The following NLRP7 variants were observed in gnomAD, a reference collection of about 807,000 sequenced individuals.
NLRP7 encodes NLR family pyrin domain containing 7, also known as NACHT, LRR and PYD domains-containing protein 7.
NLRP7 carries 72 observed loss-of-function variants against 85.5 expected under a neutral mutation model. The ratio of observed to expected loss-of-function variants is 0.84; its 90% CI spans 0.70 to 1.02. The LOEUF (loss-of-function observed/expected upper bound fraction) is 1.02, where lower values mean the gene tolerates loss of function less well. Among genes scored for constraint, NLRP7 ranks in the 50% least tolerant of loss-of-function variants. The pLI is 0.00. For synonymous variants in NLRP7, 550 were observed against 505.2 expected, an observed-to-expected ratio of 1.09 and a Z score of -1.19; for missense variants, 1,243 against 1,219.5, an observed-to-expected ratio of 1.02 and a Z score of -0.29.
intron 1 of NLRP7, among the ~76,000 whole-genome samples, chr19:54,961,406 G>A (rs1335192822): frequency 6.6e-6 from 1 of 151,928 alleles, no homozygotes; most frequent in Non-Finnish European, 1.5e-5. Context: ...GCTAGGGCAG[G>A]AGAATCACTT....
intron 1 of NLRP7, among the ~76,000 whole-genome samples, chr19:54,946,050 C>T (rs991419406): frequency 1.3e-5 from 2 of 152,138 alleles, no homozygotes; most frequent in East Asian, 1.9e-4. Context: ...CTCGGCCTCC[C>T]ATAGTGCTGG....
intron 9 of NLRP7, among the ~76,000 whole-genome samples, chr19:54,928,811 G>GT (rs56391688): frequency 0.55 from 83,924 of 151,280 alleles, 23,506 homozygotes; most frequent in East Asian, 0.72. Context: ...CTTTGGTTTT[G>GT]TTTTTTTTAA....
chr19:54,940,940 CT>C lies in NLRP7; in HGVS notation c.342del (p.Ala115GlnfsTer38). 6.2e-7 allele frequency: 1 copy of C among 1,609,830 alleles called. No homozygotes were observed. The highest frequency in any genetic ancestry group is 8.5e-7 in the Non-Finnish European group (1 of 1,176,156). ...GACCGTATTTACCCACCTGGCTTTG[CT>C]AACTCCGAGTCTTCTTCTGCATCTC... On this transcript the variant is annotated frameshift_variant, in exon 3 of 10. Transcript: ENST00000340844. LOFTEE classifies it high-confidence loss of function.
chr19:54,941,347 A>G lies in NLRP7; in HGVS notation c.277+88T>C, dbSNP rs1417579926. ...TCTCGCCACTGCACTCCAGCCTTAC[A>G]CTCCAGCCTGGGCGACAGAACGAGA... On this transcript the variant is annotated intron_variant, in intron 2 of 9. Coordinates refer to ENST00000340844, the Ensembl canonical transcript of NLRP7. 1.1e-5 allele frequency: 11 copies of G among 974,412 alleles called. No homozygotes were observed. The Admixed American group carries it at 2.0e-4, about 18-fold the overall frequency. 60.4% of individuals were successfully genotyped at this position (974,412 alleles called of 1,614,324 possible). A position where few individuals can be genotyped will look rare whatever the true frequency, so the allele number is the denominator to read the frequency against.
chr19:54,951,917 A>AT (rs1282742440), upstream of NLRP7, among the ~76,000 whole-genome samples: 2 of 151,650 alleles, frequency 1.3e-5, no homozygotes, highest in Non-Finnish European at 2.9e-5. Flanking sequence ...TGCCTGGCTA[A>AT]TTTTTTTTGT....
At chr19:54,952,179 C>G (rs75889488), upstream of NLRP7, among the ~76,000 whole-genome samples, 6,017 of 152,184 alleles carry the variant, frequency 0.04, 420 homozygotes, top group African/African-American at 0.14. Context: ...ATAGCTGACA[C>G]TAACCAGTTT....
intron 1 of NLRP7, among the ~76,000 whole-genome samples, chr19:54,963,667 TAAG>T (rs947081597): frequency 1.4e-4 from 21 of 151,606 alleles, no homozygotes; most frequent in Non-Finnish European, 2.8e-4. Flanking sequence ...CTACTAAAAA[TAAG>T]AAAATTAGCC....
At chr19:54,955,999 C>T (rs79292228) in intron 1 of NLRP7, among the ~76,000 whole-genome samples, 520 of 151,338 alleles carry the variant, frequency 3.4e-3, no homozygotes, top group African/African-American at 0.012. Flanking sequence ...AAATAGCCAA[C>T]TGTGATCGTG....
chr19:54,935,846 C>T (rs1055619296), intron 6 of NLRP7, among the ~76,000 whole-genome samples: 1 of 152,118 alleles, frequency 6.6e-6, no homozygotes, highest in Non-Finnish European at 1.5e-5. Context: ...CAGGCACCAA[C>T]GATTAGCTCC....
At position 54,939,215 on chromosome 19, in the gene NLRP7, T is replaced by G. The variant is rs1476823929; in HGVS notation, c.1604A>C (p.Glu535Ala). The change falls in exon 4 of 10, where the codon GAG becomes GCG. Residue 535 changes from glutamate to alanine, a missense_variant. By Grantham distance (107) the Glu-to-Ala change is moderately radical. Coordinates refer to ENST00000340844, the Ensembl canonical transcript of NLRP7. ...TGACATCCGGCAGCCAAAAGTGGCC[T>G]CCAACTCCTTGGCTCTCTTCTCGTT... The G allele has an allele frequency of 1.9e-6, 3 of 1,614,256 alleles. No individual in the cohort carries two copies. In the South Asian group the frequency reaches 3.3e-5, roughly 18 times the overall value.
rs932369211 is a variant in NLRP7, at chr19:54,930,549, C to G, written c.2760G>C (p.Trp920Cys). Reference sequence around the variant, plus strand: ...GATTCTCTAATGCCTGACAGAGAATCCACAATCCACGAGCTATCTGGTTGA... The same window carrying G: ...GATTCTCTAATGCCTGACAGAGAATGCACAATCCACGAGCTATCTGGTTGA... Residue 920 changes from tryptophan to cysteine, a missense_variant, in exon 9 of 10, where the codon TGG becomes TGC. Transcript: ENST00000340844. 4 of 1,612,422 alleles carry G rather than the reference C, an allele frequency of 2.5e-6. No individual in the cohort carries two copies. The African/African-American group carries it at 5.3e-5, about 22-fold the overall frequency.
At chr19:54,925,737 G>A (rs780685052) in intron 9 of NLRP7, among the ~76,000 whole-genome samples, 4 of 152,092 alleles carry the variant, frequency 2.6e-5, no homozygotes, top group African/African-American at 9.7e-5. Flanking sequence ...GGTGGCTCAC[G>A]CCTGTAATCC....
chr19:54,939,394 G>C (rs981019531), exon 4 of NLRP7: 20 of 1,613,990 alleles, frequency 1.2e-5, no homozygotes, highest in East Asian at 2.2e-5. Context: ...ACAGGGCAGT[G>C]AGAAACTGCT....
At chr19:54,963,235 A>G (rs2070121969) in intron 1 of NLRP7, among the ~76,000 whole-genome samples, 1 of 151,986 alleles carries the variant, frequency 6.6e-6, no homozygotes, top group Non-Finnish European at 1.5e-5. Context: ...CATCTCTATA[A>G]AAAATACAAA....
At position 54,936,255 on chromosome 19, in the gene NLRP7, A is replaced by T; in HGVS notation, c.2300+6T>A. The T allele has an allele frequency of 6.2e-7, 1 of 1,612,024 alleles. No homozygotes were observed. On this transcript the variant is annotated splice_donor_region_variant and intron_variant, in intron 6 of 9. Transcript: ENST00000340844. ...TGCTGGGGAGAGCCGTGACCGTGAGACCCACCTCAGGTACTGCAGGTTGCA... is the reference window on the plus strand; with the variant it reads ...TGCTGGGGAGAGCCGTGACCGTGAGTCCCACCTCAGGTACTGCAGGTTGCA...
chr19:54,927,830 G>T, intron 9 of NLRP7, 55 bp from the exon 10 acceptor site: 2 of 1,493,780 alleles, frequency 1.3e-6, no homozygotes, highest in Non-Finnish European at 1.9e-6. Context: ...AGTGGCTCAA[G>T]CGTGTAATCC....
At chr19:54,947,889 T>A (rs568962275), upstream of NLRP7, 165 of 249,212 alleles carry the variant, frequency 6.6e-4, no homozygotes, top group African/African-American at 3.7e-3. Context: ...AAATAAAAAT[T>A]AAAAAAAAAG....
At chr19:54,935,365 C>G (rs897896857) in intron 6 of NLRP7, among the ~76,000 whole-genome samples, 1 of 151,942 alleles carries the variant, frequency 6.6e-6, no homozygotes, top group Non-Finnish European at 1.5e-5. Flanking sequence ...GTAGCTGGGA[C>G]TAGAAGGGGC....
At chr19:54,947,395 G>A (rs1048515048) in intron 1 of NLRP7, 74 bp downstream of exon 1, 9 of 1,125,432 alleles carry the variant, frequency 8.0e-6, no homozygotes, top group Middle Eastern at 2.4e-4. Flanking sequence ...AAGGGCTATG[G>A]TGGAAACTCA....
Sources: gnomAD v4.1 joint callset for allele counts (sites outside exome capture counted in the v4.1 genomes callset) on GRCh38, gnomAD v4.1.1 for gene constraint, MANE v1.5 for transcripts, NCBI Gene and HGNC (gene_info 2026-07-23, HGNC 2026-07-21) for gene names.